HACD4: variants seen among roughly 807,000 people sequenced by gnomAD.
The protein encoded by HACD4 is very-long-chain (3R)-3-hydroxyacyl-CoA dehydratase 4.
Under a neutral mutation model 33.3 loss-of-function variants are expected in HACD4, and 35 were observed. The observed-to-expected ratio is 1.05, with a 90% CI of 0.80 to 1.39. The LOEUF is 1.39. Among genes scored for constraint, HACD4 ranks in the 40% most tolerant of loss-of-function variants. HACD4 has a pLI of 0.00. For synonymous variants in HACD4, 118 were observed against 98.0 expected, an observed-to-expected ratio of 1.20 and a Z score of -1.21; for missense variants, 323 against 276.5, an observed-to-expected ratio of 1.17 and a Z score of -1.19.
chr9:21,030,306 T>C (rs894468524), intron 1 of HACD4, among the ~76,000 whole-genome samples: 1 of 147,812 alleles, frequency 6.8e-6, no homozygotes, highest in African/African-American at 2.5e-5. Flanking sequence ...TGGTAACGTA[T>C]GCCTGTAATC....
chr9:21,016,782 CT>C (rs11379547), intron 3 of HACD4, among the ~76,000 whole-genome samples: 4 of 148,480 alleles, frequency 2.7e-5, no homozygotes, highest in Non-Finnish European at 4.5e-5. Context: ...AAACTTGTAG[CT>C]TTTTTTTTTC....
intron 3 of HACD4, among the ~76,000 whole-genome samples, chr9:21,024,598 T>A (rs1270940728): frequency 6.6e-6 from 1 of 152,242 alleles, no homozygotes; most frequent in Non-Finnish European, 1.5e-5. Flanking sequence ...TAATAATTTC[T>A]ATTACTAAAC....
At chr9:21,020,400 T>C (rs1817877473) in intron 3 of HACD4, among the ~76,000 whole-genome samples, 1 of 152,146 alleles carries the variant, frequency 6.6e-6, no homozygotes, top group Non-Finnish European at 1.5e-5. Flanking sequence ...TATTTTCCCC[T>C]CTTCTTGAGT....
chr9:21,010,174 T>C (rs1842378203), intron 5 of HACD4, among the ~76,000 whole-genome samples: 1 of 152,224 alleles, frequency 6.6e-6, no homozygotes, highest in African/African-American at 2.4e-5. Flanking sequence ...CTTAACATGC[T>C]TTCTTATTTT....
At chr9:21,031,508 C>T in intron 1 of HACD4, 45 bp downstream of exon 1, 5 of 1,452,220 alleles carry the variant, frequency 3.4e-6, no homozygotes, top group Non-Finnish European at 4.5e-6. Flanking sequence ...CCTCCAGGCC[C>T]TCCACCCGCG....
intron 4 of HACD4, among the ~76,000 whole-genome samples, chr9:21,014,223 G>A (rs1842504517): frequency 6.6e-6 from 1 of 152,166 alleles, no homozygotes; most frequent in Admixed American, 6.5e-5. Flanking sequence ...TCACTCCTAG[G>A]TATAAGGGAA....
At chr9:21,025,615 A>G (rs1344225970) in intron 3 of HACD4, among the ~76,000 whole-genome samples, 2 of 152,204 alleles carry the variant, frequency 1.3e-5, no homozygotes, top group Non-Finnish European at 2.9e-5. Flanking sequence ...TAAGAAAGGG[A>G]CAACTATATG....
chr9:21,031,396 A>C, intron 1 of HACD4, 157 bp downstream of exon 1: 1 of 944,530 alleles, frequency 1.1e-6, no homozygotes, highest in Non-Finnish European at 1.3e-6. Context: ...AAGTTAGCAA[A>C]TACCTGCATG....
chr9:21,028,826 T>A (rs898303848), intron 2 of HACD4, among the ~76,000 whole-genome samples: 1 of 152,238 alleles, frequency 6.6e-6, no homozygotes, highest in South Asian at 2.1e-4. Flanking sequence ...ATTTACATAT[T>A]ACTTCTTAAA....
At position 21,005,435 on chromosome 9, in the gene HACD4, G is replaced by GACCT. The variant is rs750671476; in HGVS notation, c.*1598_*1601dup. 2.0e-5 allele frequency: 3 copies of GACCT among 152,346 alleles called. No homozygotes were observed. In the South Asian group the frequency reaches 6.2e-4, roughly 32 times the overall value. 9.4% of individuals were successfully genotyped at this position (152,346 alleles called of 1,614,324 possible). On this transcript the variant is annotated 3_prime_UTR_variant, in exon 7 of 7. Coordinates refer to ENST00000495827, the MANE Select transcript of HACD4 (RefSeq NM_001010915.5). This position sits in a 1 kb window ranked among gnomAD's most constrained non-coding sequence, Gnocchi z 4.0. ...TAGATTTATGTGGGTGTGAACCACA[G>GACCT]ACCTAATCAGCCACCCCAGCAGGAA...
rs985862630 is a variant in HACD4 at position 21,031,584 on chromosome 9, G to A, written c.7C>T (p.Pro3Ser). The change falls in exon 1 of 7, where the codon CCC becomes TCC. Residue 3 changes from proline to serine, a missense_variant. By Grantham distance (74) the Pro-to-Ser change is moderately conservative. Coordinates refer to ENST00000495827, the MANE Select transcript of HACD4 (RefSeq NM_001010915.5). Reference protein sequence around the residue: MGPLALPAWLQPR... With the variant: MGSLALPAWLQPR... ...TGCAGCCAGGCGGGCAGCGCCAAGG[G>A]CCCCATGGGCCGCCGCCGCCAGGGC... 5.6e-6 allele frequency: 8 copies of A among 1,438,430 alleles called. No individual in the cohort carries two copies. The highest frequency in any genetic ancestry group is 7.3e-6 in the Non-Finnish European group (8 of 1,101,622). The allele number at this position is 1,438,430 out of a possible 1,614,324, so 89.1% of individuals were successfully genotyped here.
intron 3 of HACD4, among the ~76,000 whole-genome samples, chr9:21,017,534 G>A (rs1398844865): frequency 2.0e-5 from 3 of 151,966 alleles, no homozygotes; most frequent in Non-Finnish European, 2.9e-5. Context: ...TCAGATACAC[G>A]ATCATAGCAA....
At chr9:21,015,803 T>G (rs958109737) in intron 4 of HACD4, 95 bp downstream of exon 4, 1 of 663,052 alleles carries the variant, frequency 1.5e-6, no homozygotes, top group African/African-American at 1.8e-5. Context: ...TATGTTTTCC[T>G]CTCTCGTACC....
At position 21,026,871 on chromosome 9, in the gene HACD4, A is replaced by G. The variant is rs1467610903; in HGVS notation, c.143-148T>C. 4.8e-6 allele frequency: 3 copies of G among 625,588 alleles called. No individual in the cohort carries two copies. The East Asian group carries it at 8.3e-5, about 17-fold the overall frequency. 38.8% of individuals were successfully genotyped at this position (625,588 alleles called of 1,614,324 possible). A position where few individuals can be genotyped will look rare whatever the true frequency, so the allele number is the denominator to read the frequency against. ...AATTCCTTAAGTAGGCTACTAAATT[A>G]TTAACAATACAATGCAAACAAACAA... On this transcript the variant is annotated intron_variant, in intron 2 of 6. Coordinates refer to ENST00000495827, the MANE Select transcript of HACD4 (RefSeq NM_001010915.5).
intron 2 of HACD4, among the ~76,000 whole-genome samples, chr9:21,028,135 CAA>C (rs71334571): frequency 1.1e-4 from 10 of 93,452 alleles, no homozygotes; most frequent in Admixed American, 1.1e-4. Context: ...AACTCCATCT[CAA>C]AAAAAAAAAA....
chr9:21,030,220 T>C lies in HACD4; in HGVS notation c.39-822A>G, dbSNP rs547106809. Among the ~76,000 whole-genome samples the C allele has an allele frequency of 2.0e-4, 29 of 143,726 alleles. No homozygotes were observed. The East Asian group carries it at 5.6e-3, about 28-fold the overall frequency. 94.3% of individuals were successfully genotyped at this position (143,726 alleles called of 152,430 possible). On this transcript the variant is annotated intron_variant, in intron 1 of 6. Coordinates refer to ENST00000495827, the MANE Select transcript of HACD4 (RefSeq NM_001010915.5). ...CTTTGGGAGGCCAAGGCGGGTTGGATCACTTGAGGCCAGAAGTTCAAGACC... is the reference window on the plus strand; with the variant it reads ...CTTTGGGAGGCCAAGGCGGGTTGGACCACTTGAGGCCAGAAGTTCAAGACC...
Position 21,011,667 on chromosome 9 carries a change from C to A in HACD4, c.412G>T (p.Gly138Ter), listed in dbSNP as rs1258563536. Residue 138 changes from glycine to a stop codon, truncating the protein, a stop_gained, in exon 5 of 7, where the codon GGA (glycine) becomes TGA (stop). Coordinates refer to ENST00000495827, the MANE Select transcript of HACD4 (RefSeq NM_001010915.5). LOFTEE classifies it high-confidence loss of function. ...CATGTCAAGACAGCATAGGATATTC[C>A]TATGACTGATAACATGCTATAAGTG... Reference protein sequence around the residue: ...RYTYSMLSVIGISYAVLTWLS... With the variant: ...RYTYSMLSVI 3 of 1,606,856 alleles carry A rather than the reference C, an allele frequency of 1.9e-6. No homozygotes were observed. The highest frequency in any genetic ancestry group is 2.6e-6 in the Non-Finnish European group (3 of 1,174,216).
chr9:21,022,381 C>G (rs536847983), intron 3 of HACD4, among the ~76,000 whole-genome samples: 3 of 152,274 alleles, frequency 2.0e-5, no homozygotes, highest in Non-Finnish European at 4.4e-5. Flanking sequence ...CAAATGGGAT[C>G]TAATTAAACT....
At position 21,006,595 on chromosome 9, in the gene HACD4, A is replaced by G. The variant is rs1275582456; in HGVS notation, c.*442T>C. Reference sequence around the variant, plus strand: ...ATCTGTCTATGAAATATGTTATTCTAGGCAACTGTGGAATATATTTTCCAT... The same window carrying G: ...ATCTGTCTATGAAATATGTTATTCTGGGCAACTGTGGAATATATTTTCCAT... On this transcript the variant is annotated 3_prime_UTR_variant, in exon 7 of 7. Coordinates refer to ENST00000495827, the MANE Select transcript of HACD4 (RefSeq NM_001010915.5). The surrounding 1 kb of genome is among the most constrained non-coding windows in gnomAD (Gnocchi z 4.6). 4.6e-6 allele frequency: 1 copy of G among 219,618 alleles called. No homozygotes were observed. The highest frequency in any genetic ancestry group is 8.9e-6 in the Non-Finnish European group (1 of 111,858). 13.6% of individuals were successfully genotyped at this position (219,618 alleles called of 1,614,324 possible).
Sources: gnomAD v4.1 joint callset for allele counts (sites outside exome capture counted in the v4.1 genomes callset) on GRCh38, gnomAD v4.1.1 for gene constraint, Gnocchi (gnomAD v3.1) non-coding constraint, MANE v1.5 for transcripts, NCBI Gene and HGNC (gene_info 2026-07-23, HGNC 2026-07-21) for gene names.